Variants in TP63 observed in about 807,000 individuals in gnomAD.
TP63 encodes tumor protein 63.
Under a neutral mutation model 82.8 loss-of-function variants are expected in TP63, and 17 were observed. The ratio of observed to expected loss-of-function variants is 0.21; its 90% CI spans 0.14 to 0.31. The LOEUF (loss-of-function observed/expected upper bound fraction) is 0.31, where lower values mean the gene tolerates loss of function less well. TP63 is among the 10% of genes least tolerant of loss of function. The pLI, the probability that TP63 is intolerant of heterozygous loss-of-function variation, is 1.00. For synonymous variants in TP63, 330 were observed against 321.7 expected (o/e 1.03, Z -0.28); for missense variants, 648 against 895.3 (o/e 0.72, Z 3.52).
At chr3:189,773,730 T>C (rs1279483525) in intron 3 of TP63, among the ~76,000 whole-genome samples, 2 of 152,142 alleles carry the variant, frequency 1.3e-5, no homozygotes, top group African/African-American at 4.8e-5. Context: ...TGGCTTTTTT[T>C]TTCTAGTTTA....
At chr3:189,660,595 G>A (rs1304673337) in intron 1 of TP63, among the ~76,000 whole-genome samples, 1 of 152,026 alleles carries the variant, frequency 6.6e-6, no homozygotes, top group Non-Finnish European at 1.5e-5. Flanking sequence ...CTAGTTCTGT[G>A]AAAAATGACT....
At chr3:189,779,242 A>T (rs76620542) in intron 3 of TP63, among the ~76,000 whole-genome samples, 1 of 152,138 alleles carries the variant, frequency 6.6e-6, no homozygotes, top group African/African-American at 2.4e-5. Flanking sequence ...TCCCTTTGTG[A>T]CATTATTACA....
At chr3:189,864,199 C>T (rs1367280437) in intron 4 of TP63, 33 bp from the exon 5 acceptor site, 2 of 1,611,128 alleles carry the variant, frequency 1.2e-6, no homozygotes, top group Non-Finnish European at 1.7e-6. Context: ...TGGTTCTCTC[C>T]TTCCTTTCTC....
the TP63 span, among the ~76,000 whole-genome samples, chr3:189,598,631 G>T: frequency 6.6e-6 from 1 of 152,172 alleles, no homozygotes; most frequent in South Asian, 2.1e-4. Context: ...CCGGATATCA[G>T]CCCGATAACA....
At chr3:189,751,329 A>G (rs1406601568) in intron 3 of TP63, among the ~76,000 whole-genome samples, 1 of 152,230 alleles carries the variant, frequency 6.6e-6, no homozygotes, top group Admixed American at 6.5e-5. Context: ...CTTTGGGTAT[A>G]TACCCAGTAA....
chr3:189,620,506 C>CAAAAAAAAAA, the TP63 span, among the ~76,000 whole-genome samples: 1 of 68,986 alleles, frequency 1.4e-5, no homozygotes, highest in Non-Finnish European at 2.8e-5. Flanking sequence ...AAGACTCCAT[C>CAAAAAAAAAA]AAAAAAAAAA....
chr3:189,882,596 A>G (rs779429154), intron 10 of TP63, among the ~76,000 whole-genome samples: 23 of 152,116 alleles, frequency 1.5e-4, no homozygotes, highest in Non-Finnish European at 2.9e-4. Flanking sequence ...GCTATCACCA[A>G]ATCCTACTAG....
intron 4 of TP63, among the ~76,000 whole-genome samples, chr3:189,852,332 C>T (rs1271666815): frequency 6.6e-6 from 1 of 152,164 alleles, no homozygotes; most frequent in African/African-American, 2.4e-5. Flanking sequence ...TCGACAATTC[C>T]ATTGGCTAAG....
intron 1 of TP63, among the ~76,000 whole-genome samples, chr3:189,668,189 T>C (rs1046192258): frequency 6.6e-6 from 1 of 151,994 alleles, no homozygotes; most frequent in Non-Finnish European, 1.5e-5. Context: ...TAGGCTATGA[T>C]AGAGCTACTT....
chr3:189,749,644 T>C (rs1410620133), intron 3 of TP63, among the ~76,000 whole-genome samples: 1 of 152,008 alleles, frequency 6.6e-6, no homozygotes, highest in African/African-American at 2.4e-5. Flanking sequence ...CTCAAAAAAC[T>C]AAAAACTACT....
chr3:189,846,750 G>C (rs921065171), intron 4 of TP63, among the ~76,000 whole-genome samples: 5 of 130,220 alleles, frequency 3.8e-5, no homozygotes, highest in African/African-American at 1.5e-4. Flanking sequence ...GCAATGGTGT[G>C]ATCTTGACTC....
intron 1 of TP63, among the ~76,000 whole-genome samples, chr3:189,709,443 T>A (rs1718435037): frequency 5.3e-5 from 8 of 152,180 alleles, no homozygotes; most frequent in Admixed American, 5.2e-4. Flanking sequence ...TTTTCCACTA[T>A]GGAGCCCACA....
intron 3 of TP63, among the ~76,000 whole-genome samples, chr3:189,792,508 A>G (rs1204181225): frequency 6.6e-6 from 1 of 152,078 alleles, no homozygotes; most frequent in Non-Finnish European, 1.5e-5. Context: ...TTAGAAAGAG[A>G]TATTTACTAA....
chr3:189,612,753 A>G, the TP63 span, among the ~76,000 whole-genome samples: 1 of 152,180 alleles, frequency 6.6e-6, no homozygotes, highest in South Asian at 2.1e-4. Flanking sequence ...TATAGACAAT[A>G]AAGTCCACGC....
intron 4 of TP63, among the ~76,000 whole-genome samples, chr3:189,862,694 G>T (rs1398217715): frequency 2.0e-5 from 3 of 152,138 alleles, no homozygotes; most frequent in Non-Finnish European, 4.4e-5. Flanking sequence ...CTCAATAAAA[G>T]GAAGTTCTTA....
At chr3:189,777,343 C>A (rs930297694) in intron 3 of TP63, among the ~76,000 whole-genome samples, 55 of 151,794 alleles carry the variant, frequency 3.6e-4, no homozygotes, top group African/African-American at 1.2e-3. Context: ...ATTACAGGCA[C>A]CCGCCACCAT....
intron 12 of TP63, among the ~76,000 whole-genome samples, chr3:189,890,102 A>G (rs1720861294): frequency 6.6e-6 from 1 of 152,174 alleles, no homozygotes. Context: ...TTTCTTGCCT[A>G]GTGTATATCT....
At chr3:189,697,651 C>T in intron 1 of TP63, among the ~76,000 whole-genome samples, 1 of 152,026 alleles carries the variant, frequency 6.6e-6, no homozygotes. Context: ...GAGGAGCTAA[C>T]ATCTAGACAG....
chr3:189,717,179 A>G (rs773153205), intron 1 of TP63, among the ~76,000 whole-genome samples: 6 of 152,122 alleles, frequency 3.9e-5, no homozygotes, highest in Non-Finnish European at 7.4e-5. Context: ...CTAAACAAAT[A>G]TGTACACACA....
Sources: gnomAD v4.1 joint callset for allele counts (sites outside exome capture counted in the v4.1 genomes callset) on GRCh38, gnomAD v4.1.1 for gene constraint, MANE v1.5 for transcripts, NCBI Gene and HGNC (gene_info 2026-07-23, HGNC 2026-07-21) for gene names.